Variants in MSH3 observed in about 807,000 individuals in gnomAD.
MSH3 encodes the protein mutS homolog 3, also known as DNA mismatch repair protein Msh3.
Under a neutral mutation model 123.3 loss-of-function variants are expected in MSH3, and 106 were observed. That is an observed-to-expected ratio of 0.86 (90% CI 0.73 to 1.01). The LOEUF is 1.01. Among genes scored for constraint, MSH3 ranks in the 50% least tolerant of loss-of-function variants. The pLI, the probability that MSH3 is intolerant of heterozygous loss-of-function variation, is 0.00. For synonymous variants in MSH3, 515 were observed against 481.4 expected (o/e 1.07, Z -0.91); for missense variants, 1,459 against 1,347.6 (o/e 1.08, Z -1.29).
chr5:80,740,213 T>G (rs1743585981), intron 10 of MSH3, among the ~76,000 whole-genome samples: 1 of 152,248 alleles, frequency 6.6e-6, no homozygotes, highest in African/African-American at 2.4e-5. Context: ...CTCAAATCTT[T>G]TTGAAATTTA....
intron 12 of MSH3, 55 bp downstream of exon 12, chr5:80,744,670 A>T: frequency 7.4e-7 from 1 of 1,344,102 alleles, no homozygotes; most frequent in East Asian, 2.4e-5. Flanking sequence ...TTTTGAAATT[A>T]AAGGCATTTT....
rs368405231 is a variant in MSH3, at chr5:80,698,774, G to C, written c.1340+19681G>C. ...CAATGAGAACACTTGGACACAGGAA[G>C]GGGAACCTCACACACCGGGGGGCCT... is the stretch of plus-strand genomic sequence containing the variant. On this transcript the variant is annotated intron_variant, in intron 8 of 23. Transcript: ENST00000265081. Among the ~76,000 whole-genome samples the C allele has an allele frequency of 3.5e-4, 53 of 151,536 alleles. No homozygotes were observed. The East Asian group carries it at 8.9e-3, about 26-fold the overall frequency.
rs6151645 is a variant in MSH3, at chr5:80,673,255, G to A, written c.1027+397G>A. On this transcript the variant is annotated intron_variant, in intron 6 of 23. Transcript: ENST00000265081. The stretch of plus-strand genomic sequence containing the variant: ...AAAAAGTAACTTATTGAAGCCAGGC[G>A]CTGTGGCTCATGCCTTTAATCCCAG... 3.7e-3 allele frequency among the ~76,000 whole-genome samples: 561 copies of A among 152,250 alleles called. 4 individuals are homozygous for A. Among genetic ancestry groups the A allele is most frequent in the African/African-American group, 0.013 (536 of 41,542 alleles).
At chr5:80,742,373 A>T (rs1298835855) in intron 11 of MSH3, among the ~76,000 whole-genome samples, 1 of 152,198 alleles carries the variant, frequency 6.6e-6, no homozygotes, top group Non-Finnish European at 1.5e-5. Flanking sequence ...TAACGGGGAG[A>T]TTAAACTTAT....
intron 2 of MSH3, among the ~76,000 whole-genome samples, chr5:80,664,666 A>T (rs1749522140): frequency 6.6e-6 from 1 of 152,096 alleles, no homozygotes; most frequent in African/African-American, 2.4e-5. Flanking sequence ...ACCTCCCTTT[A>T]TTCCTTTCCA....
chr5:80,792,702 T>C (rs760774875), intron 18 of MSH3, 31 bp from the exon 19 acceptor site: 6 of 1,323,346 alleles, frequency 4.5e-6, no homozygotes, highest in Admixed American at 3.4e-5. Flanking sequence ...TTTCCATGCC[T>C]AGTAAATTGA....
At chr5:80,808,861 A>ATATATATATATCTATATATATATC (rs1744949762) in intron 19 of MSH3, among the ~76,000 whole-genome samples, 2 of 103,030 alleles carry the variant, frequency 1.9e-5, no homozygotes, top group Non-Finnish European at 3.7e-5. Flanking sequence ...TCTTCTTCAT[A>ATATATATATATCTATATATATATC]TATATATATA....
chr5:80,738,516 A>G (rs1743554384), intron 10 of MSH3, among the ~76,000 whole-genome samples: 1 of 152,152 alleles, frequency 6.6e-6, no homozygotes, highest in Non-Finnish European at 1.5e-5. Flanking sequence ...AGCCTAAAAC[A>G]CCATCCCTTA....
intron 22 of MSH3, among the ~76,000 whole-genome samples, chr5:80,868,781 A>C (rs141318399): frequency 1.2e-3 from 180 of 151,928 alleles, no homozygotes; most frequent in African/African-American, 3.8e-3. Flanking sequence ...TTAAAAAAAA[A>C]AACAACAACT....
intron 8 of MSH3, among the ~76,000 whole-genome samples, chr5:80,706,928 A>G (rs1750737404): frequency 1.3e-5 from 2 of 152,220 alleles, no homozygotes; most frequent in South Asian, 2.1e-4. Context: ...GAGTCAATCA[A>G]TTTTGACAGA....
chr5:80,866,494 T>A (rs1394375295), intron 22 of MSH3, among the ~76,000 whole-genome samples: 1 of 152,216 alleles, frequency 6.6e-6, no homozygotes, highest in Non-Finnish European at 1.5e-5. Context: ...GCTAAAAGGC[T>A]CCTGCTGACA....
At chr5:80,784,980 TAC>T (rs2112016797) in intron 17 of MSH3, among the ~76,000 whole-genome samples, 1 of 152,344 alleles carries the variant, frequency 6.6e-6, no homozygotes, top group East Asian at 1.9e-4. Flanking sequence ...GTCATTTATG[TAC>T]AATACCTTAT....
intron 10 of MSH3, among the ~76,000 whole-genome samples, chr5:80,730,846 T>C (rs1743396377): frequency 6.7e-6 from 1 of 150,076 alleles, no homozygotes; most frequent in African/African-American, 2.4e-5. Flanking sequence ...TAGAAGCAAA[T>C]GAATTTGGAC....
At chr5:80,685,071 T>C (rs1369875248) in intron 8 of MSH3, among the ~76,000 whole-genome samples, 1 of 152,272 alleles carries the variant, frequency 6.6e-6, no homozygotes, top group African/African-American at 2.4e-5. Context: ...TGCTAGTATT[T>C]TGCTGAGGAT....
chr5:80,690,283 C>A (rs1055666987), intron 8 of MSH3, among the ~76,000 whole-genome samples: 1 of 151,846 alleles, frequency 6.6e-6, no homozygotes, highest in Non-Finnish European at 1.5e-5. Context: ...CCGTTGGGTA[C>A]CAGTGTACCA....
At chr5:80,741,185 C>A (rs987853561) in intron 10 of MSH3, among the ~76,000 whole-genome samples, 9 of 152,100 alleles carry the variant, frequency 5.9e-5, no homozygotes, top group African/African-American at 2.2e-4. Context: ...ATTCCTAGAG[C>A]AAAACCAAAA....
intron 20 of MSH3, among the ~76,000 whole-genome samples, chr5:80,817,724 C>T (rs1372797417): frequency 6.6e-6 from 1 of 152,056 alleles, no homozygotes; most frequent in African/African-American, 2.4e-5. Context: ...GGAAGTTTCT[C>T]TTTATAGAAA....
intron 1 of MSH3, 184 bp downstream of exon 1, chr5:80,655,148 T>C (rs2112799259): frequency 4.1e-6 from 2 of 493,260 alleles, no homozygotes; most frequent in South Asian, 3.2e-5. Context: ...GCTGAGGTTT[T>C]AGTACTTCCG....
At chr5:80,689,625 ATTGT>A (rs1338455657) in intron 8 of MSH3, among the ~76,000 whole-genome samples, 1 of 151,882 alleles carries the variant, frequency 6.6e-6, no homozygotes, top group African/African-American at 2.4e-5. Context: ...TAAATGAATG[ATTGT>A]TTGGTATGAA....
Sources: allele counts gnomAD v4.1 joint callset (sites outside exome capture counted in the v4.1 genomes callset), GRCh38; gene constraint gnomAD v4.1.1; transcripts MANE v1.5; gene names NCBI Gene and HGNC (gene_info 2026-07-23, HGNC 2026-07-21).